The following PTPRB variants were observed in gnomAD, a reference collection of about 807,000 sequenced individuals.
The protein encoded by PTPRB is protein tyrosine phosphatase receptor type B, also known as receptor-type tyrosine-protein phosphatase beta.
A neutral mutation model predicts 238.1 loss-of-function variants in PTPRB; 97 were observed. The ratio of observed to expected loss-of-function variants is 0.41; its 90% CI spans 0.35 to 0.48. PTPRB has a LOEUF of 0.48. Among genes scored for constraint, PTPRB ranks in the 20% least tolerant of loss-of-function variants. PTPRB has a pLI of 0.30. For synonymous variants in PTPRB, 970 were observed against 995.4 expected, an observed-to-expected ratio of 0.97 and a Z score of 0.48; for missense variants, 2,292 against 2,681.9, an observed-to-expected ratio of 0.85 and a Z score of 3.21.
chr12:70,627,841 T>A (rs923090612), intron 2 of PTPRB, among the ~76,000 whole-genome samples: 4 of 152,222 alleles, frequency 2.6e-5, no homozygotes, highest in Admixed American at 2.6e-4. Context: ...AGGGTTTGTA[T>A]ACACAAAAGG....
At position 70,517,293 on chromosome 12, in the gene PTPRB, A is replaced by G. The variant is rs1592370002; in HGVS notation, c.*4196T>C. ...TGTCCTAATAGAAACGTGTGACAGG[A>G]TTGTCCAAGCACACCCAGGCCACAC... is the stretch of plus-strand genomic sequence containing the variant. On this transcript the variant is annotated 3_prime_UTR_variant, in exon 34 of 34. Transcript: ENST00000334414. 6.6e-6 allele frequency: 1 copy of G among 152,218 alleles called. No individual in the cohort carries two copies. 9.4% of individuals were successfully genotyped at this position (152,218 alleles called of 1,614,324 possible).
At chr12:70,557,330 T>C (rs1466439643) in intron 18 of PTPRB, among the ~76,000 whole-genome samples, 5 of 152,300 alleles carry the variant, frequency 3.3e-5, no homozygotes, top group African/African-American at 1.2e-4. Flanking sequence ...CTTCTGCTAT[T>C]TTGGATTTTC....
chr12:70,544,144 T>C (rs1457204497), intron 22 of PTPRB, among the ~76,000 whole-genome samples: 1 of 152,248 alleles, frequency 6.6e-6, no homozygotes, highest in Non-Finnish European at 1.5e-5. Flanking sequence ...TACTTTGAGA[T>C]ACACATCATT....
rs569680444 is a variant in PTPRB, at chr12:70,619,545, C to T, written c.708+2845G>A. ...GTTCCAGAGCCTCGGCCTCAAAAGG[C>T]TTGTAGCTTCCACCTTTGACTTCTG... On this transcript the variant is annotated intron_variant, in intron 3 of 33. Coordinates refer to ENST00000334414, the MANE Select transcript of PTPRB (RefSeq NM_001109754.4). Among the ~76,000 whole-genome samples the T allele has an allele frequency of 2.4e-4, 36 of 152,216 alleles. 1 individual carries two copies. Among genetic ancestry groups the T allele is most frequent in the African/African-American group, 7.9e-4 (33 of 41,542 alleles).
intron 2 of PTPRB, among the ~76,000 whole-genome samples, chr12:70,627,423 T>G (rs1256320266): frequency 6.6e-6 from 1 of 152,208 alleles, no homozygotes; most frequent in African/African-American, 2.4e-5. Context: ...TTTAATTTGT[T>G]TGAAAATAAA....
In PTPRB at chr12:70,587,957, C is replaced by T. The variant is rs536126822; in HGVS notation, c.2051-690G>A. On this transcript the variant is annotated intron_variant, in intron 8 of 33. Transcript: ENST00000334414. ...CTCTACTAAAAATACAAAAATTAGC[C>T]GGGCGTGGTGGCTCACATCTGTAGT... Among the ~76,000 whole-genome samples, 18 of 151,014 alleles carry T rather than the reference C, an allele frequency of 1.2e-4. No homozygotes were observed. In the East Asian group the frequency reaches 2.8e-3, roughly 23 times the overall value.
chr12:70,539,123 G>T, intron 26 of PTPRB, 109 bp from the exon 27 acceptor site: 1 of 843,556 alleles, frequency 1.2e-6, no homozygotes, highest in South Asian at 1.5e-5. Context: ...ACTAGCTATT[G>T]TTTATGAATG....
At position 70,560,927 on chromosome 12, in the gene PTPRB, G is replaced by T. The variant is rs1205006320; in HGVS notation, c.4176C>A (p.Ala1392=). The T allele has an allele frequency of 5.0e-6, 8 of 1,612,554 alleles. No individual in the cohort carries two copies. Among genetic ancestry groups the T allele is most frequent in the Admixed American group, 3.3e-5 (2 of 59,908 alleles). The change falls in exon 17 of 34, where the codon GCC becomes GCA. Residue 1392 remains alanine (A), a synonymous_variant. Coordinates refer to ENST00000334414, the MANE Select transcript of PTPRB (RefSeq NM_001109754.4). This position sits in a 1 kb window ranked among gnomAD's most constrained non-coding sequence, Gnocchi z 4.2. ...ESFIFGRTVP[A]SVSHLRGSNR... ...TGGACCCCCTGAGATGACTCACAGA[G>T]GCTGGGACTTAAACAGAAGAAAAAT...
At chr12:70,561,033 C>T in intron 16 of PTPRB, 99 bp from the exon 17 acceptor site, 1 of 1,255,648 alleles carries the variant, frequency 8.0e-7, no homozygotes, top group Non-Finnish European at 1.1e-6. Flanking sequence ...GTGGGTGAGT[C>T]GTACATATTG....
intron 27 of PTPRB, chr12:70,538,673 G>A: frequency 1.9e-6 from 1 of 532,984 alleles, no homozygotes; most frequent in African/African-American, 1.9e-5. Context: ...AGCCTCCAAA[G>A]AGAAGCAATA....
In PTPRB at chr12:70,517,906, A is replaced by C. The variant is rs761447985; in HGVS notation, c.*3583T>G. 1.6e-4 allele frequency: 24 copies of C among 152,218 alleles called. No homozygotes were observed. Among genetic ancestry groups the C allele is most frequent in the Non-Finnish European group, 3.5e-4 (24 of 68,052 alleles). 9.4% of individuals were successfully genotyped at this position (152,218 alleles called of 1,614,324 possible). On this transcript the variant is annotated 3_prime_UTR_variant, in exon 34 of 34. Coordinates refer to ENST00000334414, the MANE Select transcript of PTPRB (RefSeq NM_001109754.4). ...AATAATATTATTGCAAAAGGTAAGGAAAATGTTTAACATAAGAAACTGGAT... is the reference window on the plus strand; with the variant it reads ...AATAATATTATTGCAAAAGGTAAGGCAAATGTTTAACATAAGAAACTGGAT...
At chr12:70,590,940 GTTTT>G (rs35496972) in intron 7 of PTPRB, among the ~76,000 whole-genome samples, 13 of 102,856 alleles carry the variant, frequency 1.3e-4, no homozygotes, top group Non-Finnish European at 1.9e-4. Context: ...TTTCCTCCAA[GTTTT>G]TTTTTTTTTT....
chr12:70,594,851 G>T, intron 5 of PTPRB, 127 bp from the exon 6 acceptor site: 1 of 1,192,216 alleles, frequency 8.4e-7, no homozygotes, highest in Non-Finnish European at 1.2e-6. Context: ...AATAGCATTA[G>T]TAAATAACAG....
intron 10 of PTPRB, among the ~76,000 whole-genome samples, chr12:70,577,720 G>A (rs891803080): frequency 6.6e-6 from 1 of 152,056 alleles, no homozygotes; most frequent in Non-Finnish European, 1.5e-5. Flanking sequence ...TGTGAATTAA[G>A]CCCCAAAGCA....
At chr12:70,624,820 C>G (rs953327780) in intron 2 of PTPRB, among the ~76,000 whole-genome samples, 1 of 152,122 alleles carries the variant, frequency 6.6e-6, no homozygotes, top group East Asian at 1.9e-4. Context: ...CCTATGCTTA[C>G]TCTTCTTCAC....
chr12:70,586,766 T>C (rs1208244246), intron 9 of PTPRB, among the ~76,000 whole-genome samples: 1 of 152,206 alleles, frequency 6.6e-6, no homozygotes, highest in Non-Finnish European at 1.5e-5. Context: ...CAAAACTCCT[T>C]GAAACGGTTG....
At chr12:70,607,040 T>C (rs547413579) in intron 4 of PTPRB, among the ~76,000 whole-genome samples, 2 of 152,328 alleles carry the variant, frequency 1.3e-5, no homozygotes, top group Admixed American at 6.5e-5. Flanking sequence ...TGATGAAGTC[T>C]TGTTTCACTC....
chr12:70,536,169 A>G lies in PTPRB; in HGVS notation c.5947-10T>C. ...TTCTGAAGTTGTTGCCCTGCAATGA[A>G]TTTACAATATGGAGAGTCAGAAACA... On this transcript the variant is annotated splice_polypyrimidine_tract_variant and intron_variant, in intron 28 of 33. Coordinates refer to ENST00000334414, the MANE Select transcript of PTPRB (RefSeq NM_001109754.4). 6 of 1,610,912 alleles carry G rather than the reference A, an allele frequency of 3.7e-6. No individual in the cohort carries two copies. Among genetic ancestry groups the G allele is most frequent in the Admixed American group, 1.7e-5 (1 of 59,566 alleles).
rs1244009444 is a variant in PTPRB at position 70,560,169 on chromosome 12, A to G, written c.4432+502T>C. On this transcript the variant is annotated intron_variant, in intron 17 of 33. Transcript: ENST00000334414. This position sits in a 1 kb window ranked among gnomAD's most constrained non-coding sequence, Gnocchi z 4.2. ...CCTTTTCTTAAATATTCATAGCCAGATCTTCCTTACCATGGTGCTGTGGAG... is the reference window on the plus strand; with the variant it reads ...CCTTTTCTTAAATATTCATAGCCAGGTCTTCCTTACCATGGTGCTGTGGAG... 6.6e-6 allele frequency among the ~76,000 whole-genome samples: 1 copy of G among 152,160 alleles called. No homozygotes were observed. The highest frequency in any genetic ancestry group is 1.9e-4 in the East Asian group (1 of 5,178).
Sources: allele counts gnomAD v4.1 joint callset (sites outside exome capture counted in the v4.1 genomes callset), GRCh38; gene constraint gnomAD v4.1.1; non-coding constraint Gnocchi (gnomAD v3.1); transcripts MANE v1.5; gene names NCBI Gene and HGNC (gene_info 2026-07-23, HGNC 2026-07-21).